The following PIAS2 variants were observed in gnomAD, a reference collection of about 807,000 sequenced individuals.
The protein encoded by PIAS2 is protein inhibitor of activated STAT 2, also known as E3 SUMO-protein ligase PIAS2.
A neutral mutation model predicts 69.7 loss-of-function variants in PIAS2; 19 were observed. The ratio of observed to expected loss-of-function variants is 0.27; its 90% CI spans 0.19 to 0.40. The LOEUF is 0.40. Ranked by LOEUF, PIAS2 falls within the 10% of genes least tolerant of loss-of-function variation. PIAS2 has a pLI of 1.00. For synonymous variants in PIAS2, 261 were observed against 263.2 expected (o/e 0.99, Z 0.08); for missense variants, 624 against 757.0 (o/e 0.82, Z 2.06).
chr18:46,845,244 C>T (rs183337892), intron 6 of PIAS2, among the ~76,000 whole-genome samples: 1 of 152,304 alleles, frequency 6.6e-6, no homozygotes, highest in African/African-American at 2.4e-5. Flanking sequence ...CATATTTTCA[C>T]TTAAAAGAGG....
chr18:46,886,659 G>A (rs1338873939), intron 2 of PIAS2, among the ~76,000 whole-genome samples: 2 of 151,998 alleles, frequency 1.3e-5, no homozygotes, highest in African/African-American at 4.8e-5. Context: ...CCAACGTAAC[G>A]AAACCCCATC....
chr18:46,897,042 AATTTTCT>A (rs1478228586), intron 1 of PIAS2, among the ~76,000 whole-genome samples: 1 of 152,166 alleles, frequency 6.6e-6, no homozygotes, highest in Non-Finnish European at 1.5e-5. Flanking sequence ...GGACACGAAG[AATTTTCT>A]ATCATTGTAA....
At chr18:46,872,521 C>T (rs1453138247) in intron 2 of PIAS2, among the ~76,000 whole-genome samples, 1 of 152,192 alleles carries the variant, frequency 6.6e-6, no homozygotes, top group Non-Finnish European at 1.5e-5. Context: ...ACGTGGATGA[C>T]CTGCTTATAT....
At chr18:46,911,248 C>T (rs2057231138) in intron 1 of PIAS2, among the ~76,000 whole-genome samples, 1 of 147,958 alleles carries the variant, frequency 6.8e-6, no homozygotes, top group Non-Finnish European at 1.5e-5. Flanking sequence ...CGAAGCCTTG[C>T]TTTGTCACCC....
intron 2 of PIAS2, among the ~76,000 whole-genome samples, chr18:46,880,364 G>C (rs962411110): frequency 6.6e-6 from 1 of 152,136 alleles, no homozygotes. Flanking sequence ...GCCTGGGTGA[G>C]AGACAGAGAG....
chr18:46,870,943 A>T (rs756422516), intron 2 of PIAS2, among the ~76,000 whole-genome samples: 62 of 152,272 alleles, frequency 4.1e-4, no homozygotes, highest in Non-Finnish European at 5.0e-4. Flanking sequence ...AATAAAAGGA[A>T]TTCAGGAATC....
intron 5 of PIAS2, 139 bp from the exon 6 acceptor site, chr18:46,846,980 TCA>T: frequency 4.6e-6 from 3 of 651,118 alleles, no homozygotes; most frequent in Non-Finnish European, 6.7e-6. Flanking sequence ...GCCCTTATGA[TCA>T]TTATCAACCC....
At chr18:46,917,643 T>A, upstream of PIAS2, 1 of 795,814 alleles carries the variant, frequency 1.3e-6, no homozygotes, top group Non-Finnish European at 1.5e-6. Flanking sequence ...TGCCCCGGCG[T>A]GCTGCCCCGC....
At chr18:46,887,925 T>C (rs1412658743) in intron 2 of PIAS2, among the ~76,000 whole-genome samples, 1 of 152,146 alleles carries the variant, frequency 6.6e-6, no homozygotes, top group Non-Finnish European at 1.5e-5. Flanking sequence ...GAAGTAAAAT[T>C]ATTCCTGTTC....
intron 11 of PIAS2, among the ~76,000 whole-genome samples, chr18:46,821,450 T>A (rs1264178841): frequency 6.6e-6 from 1 of 152,108 alleles, no homozygotes; most frequent in Non-Finnish European, 1.5e-5. Flanking sequence ...ACATAGAAGA[T>A]CCCTAAGGTT....
At chr18:46,879,645 T>C (rs544560794) in intron 2 of PIAS2, among the ~76,000 whole-genome samples, 1 of 152,280 alleles carries the variant, frequency 6.6e-6, no homozygotes, top group South Asian at 2.1e-4. Context: ...ATAGCTAAAA[T>C]GTGGAAGCAA....
At chr18:46,836,848 G>A (rs1385238348) in intron 8 of PIAS2, among the ~76,000 whole-genome samples, 1 of 152,106 alleles carries the variant, frequency 6.6e-6, no homozygotes, top group Non-Finnish European at 1.5e-5. Flanking sequence ...TCCTTTCACA[G>A]ATGTTCTAAG....
In PIAS2 at chr18:46,836,116, C is replaced by A. The variant is rs546245070; in HGVS notation, c.1202+241G>T. ...TCCTGTGGGCTTTATAAAATATAAT[C>A]TTGGAAAGCAAAAACATTGCCCTCA... On this transcript the variant is annotated intron_variant, in intron 9 of 13. Transcript: ENST00000585916. 6 of 331,032 alleles carry A rather than the reference C, an allele frequency of 1.8e-5. No individual in the cohort carries two copies. In the South Asian group the frequency reaches 3.4e-4, roughly 19 times the overall value. 20.5% of individuals were successfully genotyped at this position (331,032 alleles called of 1,614,324 possible). A position where few individuals can be genotyped will look rare whatever the true frequency, so the allele number is the denominator to read the frequency against.
At chr18:46,842,277 C>CAA (rs56665149) in intron 8 of PIAS2, among the ~76,000 whole-genome samples, 36 of 98,518 alleles carry the variant, frequency 3.7e-4, no homozygotes, top group African/African-American at 1.2e-3. Context: ...GTTATGAATG[C>CAA]AAAAAAAAAA....
chr18:46,855,115 A>AAAAT (rs1449177287), intron 5 of PIAS2, among the ~76,000 whole-genome samples: 1 of 149,768 alleles, frequency 6.7e-6, no homozygotes, highest in Non-Finnish European at 1.5e-5. Context: ...AAAAAAAAAA[A>AAAAT]AAAAAAAAAA....
chr18:46,826,043 T>C (rs1156928252), intron 11 of PIAS2, among the ~76,000 whole-genome samples: 2 of 152,236 alleles, frequency 1.3e-5, no homozygotes, highest in Non-Finnish European at 2.9e-5. Flanking sequence ...TATGTATGTC[T>C]AGGTTGGGTG....
At chr18:46,891,167 C>T in intron 1 of PIAS2, 113 bp from the exon 2 acceptor site, 1 of 739,890 alleles carries the variant, frequency 1.4e-6, no homozygotes, top group Non-Finnish European at 2.3e-6. Context: ...TTGGCATGTG[C>T]TAGTAACAGC....
At chr18:46,909,040 A>G (rs765368766) in intron 1 of PIAS2, among the ~76,000 whole-genome samples, 1 of 152,156 alleles carries the variant, frequency 6.6e-6, no homozygotes, top group African/African-American at 2.4e-5. Flanking sequence ...TTTAAAAGTG[A>G]GCCCAATTGA....
At chr18:46,864,072 T>C (rs1368026186) in intron 3 of PIAS2, 92 bp downstream of exon 3, 1 of 703,608 alleles carries the variant, frequency 1.4e-6, no homozygotes, top group Non-Finnish European at 2.4e-6. Flanking sequence ...GTCTGTTGTT[T>C]ACACTGTCCA....
Sources: allele counts gnomAD v4.1 joint callset (sites outside exome capture counted in the v4.1 genomes callset), GRCh38; gene constraint gnomAD v4.1.1; transcripts MANE v1.5; gene names NCBI Gene and HGNC (gene_info 2026-07-23, HGNC 2026-07-21).